PAK1: variants seen among roughly 807,000 people sequenced by gnomAD.
The protein encoded by PAK1 is serine/threonine-protein kinase PAK 1.
PAK1 carries 29 observed loss-of-function variants against 67.4 expected under a neutral mutation model. The observed-to-expected ratio is 0.43, with a 90% CI of 0.32 to 0.59. The LOEUF (loss-of-function observed/expected upper bound fraction) is 0.59, where lower values mean the gene tolerates loss of function less well. Ranked by LOEUF, PAK1 falls within the 20% of genes least tolerant of loss-of-function variation. The probability of loss-of-function intolerance (pLI) is 0.07; values close to 1 mark genes in which losing one functional copy is unlikely to be tolerated. For missense variants in PAK1, 337 were observed against 670.7 expected, an observed-to-expected ratio of 0.50 and a Z score of 5.50; for synonymous variants, 223 against 237.4, an observed-to-expected ratio of 0.94 and a Z score of 0.56.
intron 1 of PAK1, among the ~76,000 whole-genome samples, chr11:77,414,313 G>A (rs1041439991): frequency 3.5e-4 from 54 of 152,210 alleles, no homozygotes; most frequent in Admixed American, 3.5e-3. Context: ...TCTTCAAGGA[G>A]GTGATGATTT....
At chr11:77,392,942 C>T (rs1025065392) in intron 1 of PAK1, among the ~76,000 whole-genome samples, 1 of 152,216 alleles carries the variant, frequency 6.6e-6, no homozygotes, top group African/African-American at 2.4e-5. Flanking sequence ...CTGCTAACAG[C>T]ATTCCACATA....
At chr11:77,365,263 AAAAAAGAAAAAAG>A (rs1248933394) in intron 5 of PAK1, among the ~76,000 whole-genome samples, 2 of 116,324 alleles carry the variant, frequency 1.7e-5, no homozygotes, top group African/African-American at 8.5e-5. Flanking sequence ...AAAAAAAAAA[AAAAAAGAAAAAAG>A]AAAAAAGAAA....
At chr11:77,328,049 T>A (rs1940481236) in intron 14 of PAK1, among the ~76,000 whole-genome samples, 1 of 152,152 alleles carries the variant, frequency 6.6e-6, no homozygotes, top group South Asian at 2.1e-4. Flanking sequence ...GGCCATTACA[T>A]AATGGTAAAG....
intron 1 of PAK1, among the ~76,000 whole-genome samples, chr11:77,471,601 G>A (rs1206351636): frequency 6.6e-6 from 1 of 152,234 alleles, no homozygotes; most frequent in Non-Finnish European, 1.5e-5. Flanking sequence ...CAAGAGTGAA[G>A]ATGAGAGTGG....
chr11:77,490,315 G>A, the PAK1 span, among the ~76,000 whole-genome samples: 6 of 134,784 alleles, frequency 4.5e-5, no homozygotes, highest in East Asian at 2.6e-4. Flanking sequence ...CAGCCGCCCC[G>A]TCCGGGAGGG....
intron 1 of PAK1, among the ~76,000 whole-genome samples, chr11:77,398,266 CCCT>C (rs1455449675): frequency 9.8e-5 from 15 of 152,326 alleles, no homozygotes; most frequent in Middle Eastern, 6.8e-3. Flanking sequence ...CCCTCCACTA[CCCT>C]TTCCAGCCAC....
chr11:77,483,765 A>G, the PAK1 span, among the ~76,000 whole-genome samples: 2 of 152,240 alleles, frequency 1.3e-5, no homozygotes, highest in African/African-American at 4.8e-5. Flanking sequence ...TGTGTGAGTA[A>G]TGAGAACTAA....
At chr11:77,373,850 T>A (rs1422511349) in intron 5 of PAK1, among the ~76,000 whole-genome samples, 1 of 152,194 alleles carries the variant, frequency 6.6e-6, no homozygotes, top group African/African-American at 2.4e-5. Context: ...AGTACTAATC[T>A]TGGTTTTGCA....
intron 7 of PAK1, among the ~76,000 whole-genome samples, chr11:77,354,729 A>C (rs1345747962): frequency 1.3e-5 from 2 of 152,232 alleles, no homozygotes; most frequent in African/African-American, 4.8e-5. Flanking sequence ...TCATATAGGA[A>C]TTAATCAGGA....
chr11:77,371,964 T>G (rs1948493750), intron 5 of PAK1, among the ~76,000 whole-genome samples: 1 of 152,202 alleles, frequency 6.6e-6, no homozygotes, highest in Non-Finnish European at 1.5e-5. Context: ...CTTGCCACAG[T>G]GAAAAGAACC....
chr11:77,471,959 A>G (rs1343625521), intron 1 of PAK1, among the ~76,000 whole-genome samples: 1 of 152,210 alleles, frequency 6.6e-6, no homozygotes, highest in Admixed American at 6.5e-5. Flanking sequence ...AAACAGGTCC[A>G]GCAGCCTCAA....
chr11:77,331,924 T>A (rs1210071846), intron 14 of PAK1, among the ~76,000 whole-genome samples: 1 of 152,044 alleles, frequency 6.6e-6, no homozygotes, highest in Non-Finnish European at 1.5e-5. Context: ...TTGTGTAAGA[T>A]TTGGGTGTCA....
chr11:77,429,916 T>C (rs1158149379), intron 1 of PAK1, among the ~76,000 whole-genome samples: 1 of 152,344 alleles, frequency 6.6e-6, no homozygotes, highest in South Asian at 2.1e-4. Flanking sequence ...TGGAGGGTCA[T>C]GTCAGCAACT....
At position 77,402,386 on chromosome 11, in the gene PAK1, GCAGA is replaced by G. The variant is rs1952823241; in HGVS notation, c.-21-9849_-21-9846del. Among the ~76,000 whole-genome samples the G allele has an allele frequency of 2.6e-5, 4 of 152,226 alleles. No individual in the cohort carries two copies. The South Asian group carries it at 8.3e-4, about 32-fold the overall frequency. On this transcript the variant is annotated intron_variant, in intron 1 of 14. Transcript: ENST00000356341. Reference sequence around the variant, plus strand: ...GCAACTTCCTCACTCCTACCACCTTGCAGACAGTCACTAGAGTTACTTCCAGAAA... The same window carrying G: ...GCAACTTCCTCACTCCTACCACCTTGCAGTCACTAGAGTTACTTCCAGAAA...
chr11:77,437,762 G>A (rs1387451272), intron 1 of PAK1, among the ~76,000 whole-genome samples: 2 of 152,102 alleles, frequency 1.3e-5, no homozygotes, highest in African/African-American at 4.8e-5. Flanking sequence ...TCAAACAAAA[G>A]TTCTCTCGTG....
chr11:77,418,303 C>T (rs1592398343), intron 1 of PAK1, among the ~76,000 whole-genome samples: 2 of 152,112 alleles, frequency 1.3e-5, no homozygotes, highest in African/African-American at 4.8e-5. Flanking sequence ...GATGATCTAG[C>T]GTACCCTCCA....
the PAK1 span, among the ~76,000 whole-genome samples, chr11:77,483,228 G>A: frequency 1.3e-5 from 2 of 151,902 alleles, no homozygotes; most frequent in African/African-American, 2.4e-5. Flanking sequence ...AGTCTCTGTG[G>A]CCTGAAAGAG....
intron 2 of PAK1, 107 bp from the exon 3 acceptor site, chr11:77,380,101 T>C (rs1468114475): frequency 1.3e-5 from 9 of 709,256 alleles, no homozygotes; most frequent in Non-Finnish European, 1.9e-5. Context: ...GCAAAGTCTA[T>C]CTATTAATAT....
chr11:77,418,817 A>G (rs1487387764), intron 1 of PAK1, among the ~76,000 whole-genome samples: 1 of 152,210 alleles, frequency 6.6e-6, no homozygotes, highest in African/African-American at 2.4e-5. Flanking sequence ...GAAATGGCCT[A>G]CGTCTCCAGG....
Sources: allele counts gnomAD v4.1 joint callset (sites outside exome capture counted in the v4.1 genomes callset), GRCh38; gene constraint gnomAD v4.1.1; transcripts MANE v1.5; gene names NCBI Gene and HGNC (gene_info 2026-07-23, HGNC 2026-07-21).